The following APAF1 variants were observed in gnomAD, a reference collection of about 807,000 sequenced individuals.
APAF1 encodes the protein apoptotic protease-activating factor 1.
APAF1 carries 91 observed loss-of-function variants against 152.4 expected under a neutral mutation model. That is an observed-to-expected ratio of 0.60 (90% CI 0.50 to 0.71). The LOEUF is 0.71. APAF1 is among the 30% of genes least tolerant of loss of function. The pLI is 0.00. For missense variants in APAF1, 1,283 were observed against 1,472.0 expected (o/e 0.87, Z 2.10); for synonymous variants, 484 against 494.1 (o/e 0.98, Z 0.27).
At chr12:98,710,374 G>A (rs550215511) in intron 20 of APAF1, among the ~76,000 whole-genome samples, 7 of 152,098 alleles carry the variant, frequency 4.6e-5, no homozygotes, top group South Asian at 4.2e-4. Context: ...CCATCTTTTC[G>A]TTTGATTTTT....
At chr12:98,648,863 G>T in intron 3 of APAF1, 48 bp downstream of exon 3, 1 of 1,554,030 alleles carries the variant, frequency 6.4e-7, no homozygotes. Context: ...AAATTGCTTT[G>T]GGTTTGTCTT....
At chr12:98,657,978 A>G (rs1276919352) in intron 4 of APAF1, among the ~76,000 whole-genome samples, 2 of 152,180 alleles carry the variant, frequency 1.3e-5, no homozygotes, top group African/African-American at 4.8e-5. Context: ...TTAGGTTTTT[A>G]AAGTAGTGAT....
At chr12:98,683,717 G>C (rs1426147575) in intron 15 of APAF1, among the ~76,000 whole-genome samples, 1 of 152,140 alleles carries the variant, frequency 6.6e-6, no homozygotes, top group Admixed American at 6.5e-5. Flanking sequence ...CTCATAGCTA[G>C]GGTAACCCCA....
chr12:98,665,502 A>G, intron 7 of APAF1, 51 bp from the exon 8 acceptor site: 1 of 1,218,864 alleles, frequency 8.2e-7, no homozygotes, highest in Non-Finnish European at 1.2e-6. Context: ...GATTCTTATT[A>G]GTGACAAAAT....
intron 7 of APAF1, among the ~76,000 whole-genome samples, chr12:98,664,371 G>A (rs1018201494): frequency 2.0e-5 from 3 of 151,908 alleles, no homozygotes; most frequent in African/African-American, 7.3e-5. Flanking sequence ...TTAATTTGTA[G>A]TTATTACAAA....
At chr12:98,650,692 G>C (rs1208533538) in intron 4 of APAF1, among the ~76,000 whole-genome samples, 1 of 152,058 alleles carries the variant, frequency 6.6e-6, no homozygotes, top group Non-Finnish European at 1.5e-5. Context: ...CTTGTCAGAA[G>C]TATGCCTGAT....
intron 7 of APAF1, 35 bp downstream of exon 7, chr12:98,662,841 G>C (rs764575621): frequency 1.9e-6 from 3 of 1,581,176 alleles, no homozygotes; most frequent in African/African-American, 1.3e-5. Flanking sequence ...GGAGATTATA[G>C]GGAGTTATAT....
At position 98,703,626 on chromosome 12, in the gene APAF1, A is replaced by G. The variant is rs1182052178; in HGVS notation, c.2595+127A>G. ...AGAAATTATAGAGTATTTTCTTTAT[A>G]GCCTAATGACCTCTAACTTTGGGAT... On this transcript the variant is annotated intron_variant, in intron 18 of 26. Transcript: ENST00000551964. 3.7e-5 allele frequency: 44 copies of G among 1,193,474 alleles called. No homozygotes were observed. In the South Asian group the frequency reaches 3.9e-4, roughly 11 times the overall value. 73.9% of individuals were successfully genotyped at this position (1,193,474 alleles called of 1,614,324 possible).
intron 17 of APAF1, among the ~76,000 whole-genome samples, chr12:98,701,425 G>T (rs893984665): frequency 1.3e-5 from 2 of 152,142 alleles, no homozygotes; most frequent in Admixed American, 1.3e-4. Context: ...GGAACCACTA[G>T]ATTTTTCCAC....
chr12:98,691,732 GT>G (rs1001896467), intron 16 of APAF1, among the ~76,000 whole-genome samples: 2 of 151,200 alleles, frequency 1.3e-5, no homozygotes, highest in African/African-American at 2.4e-5. Context: ...GTTTTTTTGT[GT>G]TTTTTTTGAA....
At chr12:98,682,186 T>G (rs1386860699) in intron 14 of APAF1, among the ~76,000 whole-genome samples, 1 of 151,870 alleles carries the variant, frequency 6.6e-6, no homozygotes. Flanking sequence ...CCCGAGTAGC[T>G]GGGACTACAG....
chr12:98,683,868 G>A (rs1217622469), intron 15 of APAF1, among the ~76,000 whole-genome samples: 1 of 152,194 alleles, frequency 6.6e-6, no homozygotes, highest in Non-Finnish European at 1.5e-5. Context: ...TCACAGAGAG[G>A]AGGGAGAAAA....
intron 14 of APAF1, among the ~76,000 whole-genome samples, chr12:98,682,458 T>C (rs1440653081): frequency 6.6e-6 from 1 of 152,220 alleles, no homozygotes; most frequent in Non-Finnish European, 1.5e-5. Flanking sequence ...CAGGGTTAAG[T>C]GTCGATCCCG....
rs1350587161 is a variant in APAF1 at position 98,671,735 on chromosome 12, G to A, written c.1793+16G>A. 1 of 1,613,128 alleles carries A rather than the reference G, an allele frequency of 6.2e-7. No homozygotes were observed. Among genetic ancestry groups the A allele is most frequent in the South Asian group, 1.1e-5 (1 of 91,054 alleles). ...TGGAATGGATGTAAGTAGGTTAGGA[G>A]AGAAACCAAAGGGAGTGGTGCGCTA... On this transcript the variant is annotated intron_variant, in intron 12 of 26. Transcript: ENST00000551964.
In APAF1 at chr12:98,677,564, T is replaced by C; in HGVS notation, c.1920+13T>C. 6.2e-7 allele frequency: 1 copy of C among 1,614,100 alleles called. No homozygotes were observed. The highest frequency in any genetic ancestry group is 8.5e-7 in the Non-Finnish European group (1 of 1,180,016). On this transcript the variant is annotated intron_variant, in intron 13 of 26. Transcript: ENST00000551964. ...TAAAACCTTACAGGTAAAACACATC[T>C]CTTGAGAAAAATGCAAAGAGGCATG...
chr12:98,706,669 C>T, intron 19 of APAF1, 59 bp downstream of exon 19: 1 of 1,597,550 alleles, frequency 6.3e-7, no homozygotes, highest in Non-Finnish European at 8.6e-7. Context: ...AAACCTCCTA[C>T]AAACTAAGAA....
chr12:98,696,523 G>T (rs2097710096), intron 16 of APAF1, among the ~76,000 whole-genome samples: 1 of 152,118 alleles, frequency 6.6e-6, no homozygotes, highest in African/African-American at 2.4e-5. Flanking sequence ...CACGAGTTTG[G>T]GTCAGGATAA....
At chr12:98,650,482 A>C (rs1052105703) in intron 4 of APAF1, among the ~76,000 whole-genome samples, 9 of 151,468 alleles carry the variant, frequency 5.9e-5, no homozygotes, top group Admixed American at 4.6e-4. Context: ...GCAAGACTCC[A>C]TCTCAAAAAA....
At chr12:98,665,935 G>C in intron 8 of APAF1, 144 bp downstream of exon 8, 1 of 793,458 alleles carries the variant, frequency 1.3e-6, no homozygotes, top group Non-Finnish European at 2.1e-6. Context: ...AAATCCCTCT[G>C]CTGTTAGCTT....
Sources: allele counts gnomAD v4.1 joint callset (sites outside exome capture counted in the v4.1 genomes callset), GRCh38; gene constraint gnomAD v4.1.1; transcripts MANE v1.5; gene names NCBI Gene and HGNC (gene_info 2026-07-23, HGNC 2026-07-21).